The following RNGTT variants were observed in gnomAD, a reference collection of about 807,000 sequenced individuals.
The protein encoded by RNGTT is mRNA-capping enzyme.
A neutral mutation model predicts 79.3 loss-of-function variants in RNGTT; 33 were observed. That is an observed-to-expected ratio of 0.42 (90% CI 0.32 to 0.56). The LOEUF is 0.56. Among genes scored for constraint, RNGTT ranks in the 20% least tolerant of loss-of-function variants. The probability of loss-of-function intolerance (pLI) is 0.17; values close to 1 mark genes in which losing one functional copy is unlikely to be tolerated. For synonymous variants in RNGTT, 222 were observed against 235.9 expected (o/e 0.94, Z 0.54); for missense variants, 497 against 739.1 (o/e 0.67, Z 3.80).
chr6:88,861,918 C>T (rs1445501940), intron 8 of RNGTT, among the ~76,000 whole-genome samples: 2 of 151,992 alleles, frequency 1.3e-5, no homozygotes, highest in African/African-American at 4.8e-5. Context: ...AGTATATATA[C>T]ATAATAAGTA....
intron 13 of RNGTT, among the ~76,000 whole-genome samples, chr6:88,696,621 C>T (rs1218657869): frequency 6.6e-6 from 1 of 152,002 alleles, no homozygotes; most frequent in Non-Finnish European, 1.5e-5. Flanking sequence ...CACACACACA[C>T]ACACACACAC....
chr6:88,797,533 T>C (rs1317624690), intron 12 of RNGTT, among the ~76,000 whole-genome samples: 5 of 152,112 alleles, frequency 3.3e-5, no homozygotes, highest in African/African-American at 4.8e-5. Context: ...TCAGAAAGAA[T>C]GCCTTCAAAT....
chr6:88,923,457 A>T (rs761710073), intron 4 of RNGTT, among the ~76,000 whole-genome samples: 5 of 152,242 alleles, frequency 3.3e-5, no homozygotes, highest in African/African-American at 9.6e-5. Context: ...ATTAACACTC[A>T]AAAGTGTATG....
At chr6:88,901,345 T>G (rs182872260) in intron 6 of RNGTT, among the ~76,000 whole-genome samples, 2 of 151,700 alleles carry the variant, frequency 1.3e-5, no homozygotes, top group Admixed American at 6.6e-5. Flanking sequence ...AAACCACAAG[T>G]AGAAATATCA....
At chr6:88,905,249 CT>C (rs1783614726) in intron 5 of RNGTT, among the ~76,000 whole-genome samples, 1 of 152,124 alleles carries the variant, frequency 6.6e-6, no homozygotes, top group Admixed American at 6.5e-5. Context: ...AGGTTGAGGT[CT>C]GACTCTGCAG....
chr6:88,636,172 A>G (rs994550193), intron 14 of RNGTT, among the ~76,000 whole-genome samples: 1 of 151,772 alleles, frequency 6.6e-6, no homozygotes, highest in Non-Finnish European at 1.5e-5. Context: ...AGGAAGGCCC[A>G]CCCCTGGAAC....
chr6:88,672,218 TAC>T (rs1271232893), intron 14 of RNGTT, among the ~76,000 whole-genome samples: 1,964 of 76,268 alleles, frequency 0.026, 42 homozygotes, highest in African/African-American at 0.063. Context: ...TATATATATA[TAC>T]ACACACACAC....
chr6:88,810,501 C>T (rs1780102022), intron 11 of RNGTT, among the ~76,000 whole-genome samples: 1 of 151,956 alleles, frequency 6.6e-6, no homozygotes, highest in Non-Finnish European at 1.5e-5. Flanking sequence ...GATGGGCAGC[C>T]TTTGAGAGAA....
intron 13 of RNGTT, among the ~76,000 whole-genome samples, chr6:88,761,415 C>T (rs1388304734): frequency 3.3e-5 from 5 of 152,038 alleles, no homozygotes; most frequent in Non-Finnish European, 7.4e-5. Context: ...CGCTTGAACC[C>T]GGGAGGTGGA....
At chr6:88,659,726 A>G (rs1447956867) in intron 14 of RNGTT, among the ~76,000 whole-genome samples, 1 of 152,210 alleles carries the variant, frequency 6.6e-6, no homozygotes, top group Non-Finnish European at 1.5e-5. Context: ...TAGAAAACTT[A>G]TTTGAGGGAA....
intron 12 of RNGTT, among the ~76,000 whole-genome samples, chr6:88,779,618 C>G (rs547370270): frequency 6.6e-6 from 1 of 152,134 alleles, no homozygotes; most frequent in Non-Finnish European, 1.5e-5. Flanking sequence ...CACATCAAAT[C>G]ATTCATATTA....
intron 13 of RNGTT, among the ~76,000 whole-genome samples, chr6:88,701,739 C>A (rs928247452): frequency 1.2e-4 from 18 of 151,892 alleles, no homozygotes; most frequent in African/African-American, 3.6e-4. Context: ...TGGAAATGAC[C>A]AATTTATCTA....
intron 4 of RNGTT, among the ~76,000 whole-genome samples, chr6:88,908,777 A>G (rs985194997): frequency 1.3e-5 from 2 of 152,198 alleles, no homozygotes; most frequent in Non-Finnish European, 2.9e-5. Flanking sequence ...GAAGAGAGTA[A>G]GACTGCCACT....
chr6:88,710,465 A>T (rs894187754), intron 13 of RNGTT, among the ~76,000 whole-genome samples: 4 of 152,218 alleles, frequency 2.6e-5, no homozygotes, highest in Non-Finnish European at 5.9e-5. Flanking sequence ...TATCTGCATT[A>T]AAATGGTTAT....
intron 1 of RNGTT, among the ~76,000 whole-genome samples, chr6:88,943,319 C>G (rs1784908438): frequency 6.6e-6 from 1 of 152,144 alleles, no homozygotes. Context: ...ATTCTTTTAG[C>G]AGCTCAAGAC....
chr6:88,894,454 C>T lies in RNGTT; in HGVS notation c.685-2539G>A, dbSNP rs372346698. Among the ~76,000 whole-genome samples, 24 of 152,304 alleles carry T rather than the reference C, an allele frequency of 1.6e-4. No homozygotes were observed. In the East Asian group the frequency reaches 3.5e-3, roughly 22 times the overall value. On this transcript the variant is annotated intron_variant, in intron 6 of 15. Transcript: ENST00000369485. The stretch of plus-strand genomic sequence containing the variant: ...AAGTATGCCTTAGGGAAGTTAAGGG[C>T]CTAGCCTCATCCCTACCTTGTTTTA...
chr6:88,678,504 T>C, intron 13 of RNGTT, 85 bp from the exon 14 acceptor site: 1 of 731,866 alleles, frequency 1.4e-6, no homozygotes, highest in East Asian at 3.6e-5. Flanking sequence ...ATAATAGATA[T>C]AATATAGATA....
intron 13 of RNGTT, among the ~76,000 whole-genome samples, chr6:88,728,469 A>C (rs1411689260): frequency 1.3e-5 from 2 of 152,242 alleles, no homozygotes; most frequent in Admixed American, 1.3e-4. Context: ...TCTGTGGACC[A>C]CTAAAGAGCA....
chr6:88,744,662 T>A (rs1371467282), intron 13 of RNGTT, among the ~76,000 whole-genome samples: 1 of 149,978 alleles, frequency 6.7e-6, no homozygotes, highest in Admixed American at 6.6e-5. Context: ...TGCTATTACA[T>A]ATGAATAGTT....
Sources: allele counts gnomAD v4.1 joint callset (sites outside exome capture counted in the v4.1 genomes callset), GRCh38; gene constraint gnomAD v4.1.1; transcripts MANE v1.5; gene names NCBI Gene and HGNC (gene_info 2026-07-23, HGNC 2026-07-21).